TMEM178A: variants seen among roughly 807,000 people sequenced by gnomAD.
TMEM178A encodes transmembrane protein 178A, also known as transmembrane protein 178.
In TMEM178A, 12 loss-of-function variants were observed where a neutral mutation model predicts 29.1. The ratio of observed to expected loss-of-function variants is 0.41; its 90% CI spans 0.26 to 0.67. The LOEUF is 0.67. Ranked by LOEUF, TMEM178A falls within the 30% of genes least tolerant of loss-of-function variation. TMEM178A has a pLI of 0.29. For synonymous variants in TMEM178A, 210 were observed against 187.2 expected, an observed-to-expected ratio of 1.12 and a Z score of -0.99; for missense variants, 366 against 419.1, an observed-to-expected ratio of 0.87 and a Z score of 1.11.
At chr2:39,718,164 A>T (rs554715602), downstream of TMEM178A, among the ~76,000 whole-genome samples, 8 of 149,698 alleles carry the variant, frequency 5.3e-5, no homozygotes, top group East Asian at 1.6e-3. Flanking sequence ...ACTTGTTTTT[A>T]AACCTTCCTA....
Position 39,666,346 on chromosome 2 carries a change from C to A in TMEM178A, c.372C>A (p.Asp124Glu). Residue 124 changes from aspartate (D) to glutamate (E), a missense_variant, in exon 1 of 4, where the codon GAC becomes GAA. Physicochemically the swap from Asp to Glu is conservative, Grantham distance 45. Transcript: ENST00000281961. ...LWRKCYFLGI[D>E]RDIDTLILKG... ...GGAAGTGCTACTTCCTGGGCATCGACCGGGACATCGACACCCTCATCCTGA... is the reference window on the plus strand; with the variant it reads ...GGAAGTGCTACTTCCTGGGCATCGAACGGGACATCGACACCCTCATCCTGA... 1 of 1,444,500 alleles carries A rather than the reference C, an allele frequency of 6.9e-7. No individual in the cohort carries two copies. The highest frequency in any genetic ancestry group is 9.1e-7 in the Non-Finnish European group (1 of 1,097,642). The allele number at this position is 1,444,500 out of a possible 1,614,324, so 89.5% of individuals were successfully genotyped here. A position where few individuals can be genotyped will look rare whatever the true frequency, so the allele number is the denominator to read the frequency against.
chr2:39,690,167 C>G, intron 1 of TMEM178A, among the ~76,000 whole-genome samples: 1 of 152,116 alleles, frequency 6.6e-6, no homozygotes, highest in Non-Finnish European at 1.5e-5. Flanking sequence ...GCGTAGATCT[C>G]AAAATCTGGC....
chr2:39,688,187 A>G (rs1438021889), intron 1 of TMEM178A, among the ~76,000 whole-genome samples: 1 of 152,266 alleles, frequency 6.6e-6, no homozygotes, highest in Non-Finnish European at 1.5e-5. Context: ...TCCTTAGGTA[A>G]CTAACAAGGA....
chr2:39,707,711 C>T (rs550110094), intron 3 of TMEM178A, among the ~76,000 whole-genome samples: 27 of 152,288 alleles, frequency 1.8e-4, no homozygotes, highest in African/African-American at 6.5e-4. Context: ...GGTGATCTGC[C>T]TGCCTCAGCC....
At chr2:39,681,481 A>G (rs1670868126) in intron 1 of TMEM178A, among the ~76,000 whole-genome samples, 2 of 152,272 alleles carry the variant, frequency 1.3e-5, no homozygotes, top group Admixed American at 1.3e-4. Flanking sequence ...ATAGCTTAAT[A>G]GAACTGTACT....
intron 1 of TMEM178A, among the ~76,000 whole-genome samples, chr2:39,673,750 G>T (rs529308762): frequency 1.3e-5 from 2 of 152,220 alleles, no homozygotes; most frequent in Non-Finnish European, 2.9e-5. Flanking sequence ...GCAGGGTAGG[G>T]GCAGTGGTGG....
rs371415899 is a variant in TMEM178A, at chr2:39,678,850, C to T, written c.400+12476C>T. ...AAATCTAGGATCAAGTCACATAAGA[C>T]CATTTTCTAGTCCTTCAATACACAT... is the stretch of plus-strand genomic sequence containing the variant. On this transcript the variant is annotated intron_variant, in intron 1 of 3. Transcript: ENST00000281961. Among the ~76,000 whole-genome samples the T allele has an allele frequency of 1.4e-4, 21 of 152,314 alleles. No individual in the cohort carries two copies. The East Asian group carries it at 3.9e-3, about 28-fold the overall frequency.
At chr2:39,714,379 A>C (rs1190511430) in intron 3 of TMEM178A, among the ~76,000 whole-genome samples, 1 of 152,166 alleles carries the variant, frequency 6.6e-6, no homozygotes, top group African/African-American at 2.4e-5. Flanking sequence ...ACTGGCATAG[A>C]GATAACACTT....
intron 1 of TMEM178A, among the ~76,000 whole-genome samples, chr2:39,678,884 G>A (rs369830481): frequency 3.0e-4 from 46 of 152,208 alleles, no homozygotes; most frequent in African/African-American, 9.6e-4. Flanking sequence ...ATGCACTTTC[G>A]TATCTCTGTG....
intron 1 of TMEM178A, among the ~76,000 whole-genome samples, chr2:39,691,794 G>T (rs2148079341): frequency 6.6e-6 from 1 of 151,250 alleles, no homozygotes; most frequent in South Asian, 2.1e-4. Context: ...TTTATATATA[G>T]ATATATAAAA....
chr2:39,665,672 T>G (rs13397608), upstream of TMEM178A: 191 of 159,492 alleles, frequency 1.2e-3, no homozygotes, highest in African/African-American at 2.8e-3. Flanking sequence ...GTGCGCGGGG[T>G]GGGGGGCGCC....
intron 1 of TMEM178A, among the ~76,000 whole-genome samples, chr2:39,667,214 G>T (rs1002213033): frequency 3.9e-5 from 6 of 152,174 alleles, no homozygotes; most frequent in African/African-American, 9.7e-5. Context: ...TCTTCTGTTC[G>T]TGGTACCTTG....
chr2:39,729,988 C>T, the TMEM178A span, among the ~76,000 whole-genome samples: 1 of 152,036 alleles, frequency 6.6e-6, no homozygotes, highest in Non-Finnish European at 1.5e-5. Flanking sequence ...AAATTATCTC[C>T]AAAAAAACCT....
chr2:39,730,302 TG>T, the TMEM178A span, among the ~76,000 whole-genome samples: 1 of 152,098 alleles, frequency 6.6e-6, no homozygotes. Context: ...GCTGGGAATT[TG>T]GGGGCACCTC....
intron 1 of TMEM178A, among the ~76,000 whole-genome samples, chr2:39,681,261 C>T (rs1223274335): frequency 6.6e-6 from 1 of 152,138 alleles, no homozygotes; most frequent in Non-Finnish European, 1.5e-5. Context: ...CCACACAAAG[C>T]AGACATTAGG....
At chr2:39,679,012 T>C (rs1670749951) in intron 1 of TMEM178A, among the ~76,000 whole-genome samples, 1 of 152,244 alleles carries the variant, frequency 6.6e-6, no homozygotes, top group South Asian at 2.1e-4. Context: ...TTTCCTTGCC[T>C]CTGTCCTCAG....
downstream of TMEM178A, among the ~76,000 whole-genome samples, chr2:39,721,985 CAAAAAAAAAAAAAAAAAA>C (rs57605942): frequency 5.0e-5 from 2 of 40,094 alleles, no homozygotes; most frequent in Admixed American, 1.0e-3. Context: ...AGACCAGTCT[CAAAAAAAAAAAAAAAAAA>C]AAAAAAAAAA....
chr2:39,733,810 A>G, the TMEM178A span, among the ~76,000 whole-genome samples: 4 of 152,180 alleles, frequency 2.6e-5, no homozygotes, highest in East Asian at 5.8e-4. Context: ...TTATCATACT[A>G]TAGCTGAAAT....
At chr2:39,674,546 C>G (rs1269982620) in intron 1 of TMEM178A, among the ~76,000 whole-genome samples, 2 of 151,982 alleles carry the variant, frequency 1.3e-5, no homozygotes, top group African/African-American at 4.8e-5. Context: ...GGATAAAAGA[C>G]TACAAATATG....
Sources: allele counts gnomAD v4.1 joint callset (sites outside exome capture counted in the v4.1 genomes callset), GRCh38; gene constraint gnomAD v4.1.1; transcripts MANE v1.5; gene names NCBI Gene and HGNC (gene_info 2026-07-23, HGNC 2026-07-21).